The following VPS13B variants were observed in gnomAD, a reference collection of about 807,000 sequenced individuals.
The protein encoded by VPS13B is intermembrane lipid transfer protein VPS13B.
In VPS13B, 285 loss-of-function variants were observed where a neutral mutation model predicts 426.4. The ratio of observed to expected loss-of-function variants is 0.67; its 90% confidence interval spans 0.61 to 0.74. The LOEUF (loss-of-function observed/expected upper bound fraction) is 0.74, where lower values mean the gene tolerates loss of function less well. Among genes scored for constraint, VPS13B ranks in the 30% least tolerant of loss-of-function variants. The probability of loss-of-function intolerance (pLI) is 0.00; values close to 1 mark genes in which losing one functional copy is unlikely to be tolerated. For synonymous variants in VPS13B, 1,676 were observed against 1,676.4 expected (o/e 1.00, Z 0.01); for missense variants, 4,537 against 4,782.6 (o/e 0.95, Z 1.51).
chr8:99,243,172 A>G (rs767907517), intron 17 of VPS13B, among the ~76,000 whole-genome samples: 3 of 152,240 alleles, frequency 2.0e-5, no homozygotes, highest in African/African-American at 7.2e-5. Context: ...GACAAAATAT[A>G]CAATTACTTG....
intron 37 of VPS13B, among the ~76,000 whole-genome samples, chr8:99,718,859 A>G (rs1035086542): frequency 4.6e-5 from 7 of 151,728 alleles, no homozygotes; most frequent in Admixed American, 1.3e-4. Context: ...GGTTCTCACT[A>G]TGTTGCCCAG....
chr8:99,518,512 C>T (rs912029774), intron 29 of VPS13B, among the ~76,000 whole-genome samples: 13 of 152,064 alleles, frequency 8.5e-5, no homozygotes, highest in African/African-American at 2.9e-4. Flanking sequence ...CTGTGACATC[C>T]GTATGCTAAT....
chr8:99,662,125 A>G (rs576807372), intron 35 of VPS13B, among the ~76,000 whole-genome samples: 3 of 152,308 alleles, frequency 2.0e-5, no homozygotes, highest in South Asian at 2.1e-4. Context: ...GCCTAAGGTC[A>G]TAGTGACAGA....
At chr8:99,445,109 C>A (rs1817848741) in intron 23 of VPS13B, among the ~76,000 whole-genome samples, 1 of 151,766 alleles carries the variant, frequency 6.6e-6, no homozygotes, top group African/African-American at 2.4e-5. Flanking sequence ...ATACGATACC[C>A]TTACACATGA....
intron 3 of VPS13B, among the ~76,000 whole-genome samples, chr8:99,088,632 G>A (rs139559242): frequency 2.6e-5 from 4 of 152,172 alleles, no homozygotes; most frequent in Admixed American, 1.3e-4. Context: ...ATAATCTATT[G>A]CTAATGTTTC....
intron 17 of VPS13B, among the ~76,000 whole-genome samples, chr8:99,246,044 G>A (rs1817199105): frequency 6.6e-6 from 1 of 152,114 alleles, no homozygotes; most frequent in South Asian, 2.1e-4. Context: ...TGTTTTTTGA[G>A]ACTGTGTCTC....
chr8:99,227,584 CT>C (rs924247081), intron 17 of VPS13B, among the ~76,000 whole-genome samples: 1 of 151,472 alleles, frequency 6.6e-6, no homozygotes, highest in Admixed American at 6.6e-5. Context: ...AAATGAGGTG[CT>C]TTTTTTTGGA....
chr8:99,177,367 A>G (rs1373707591), intron 16 of VPS13B, among the ~76,000 whole-genome samples: 1 of 152,166 alleles, frequency 6.6e-6, no homozygotes, highest in Non-Finnish European at 1.5e-5. Flanking sequence ...TGATTTGATA[A>G]TGTGTTTAGA....
At chr8:99,745,286 C>T (rs937840520) in intron 39 of VPS13B, among the ~76,000 whole-genome samples, 23 of 151,972 alleles carry the variant, frequency 1.5e-4, no homozygotes, top group African/African-American at 5.6e-4. Context: ...CAAACTGAGA[C>T]TTCTATCATT....
chr8:99,521,160 T>G (rs1377556546), intron 30 of VPS13B, 150 bp downstream of exon 30: 2 of 675,834 alleles, frequency 3.0e-6, no homozygotes, highest in African/African-American at 3.6e-5. Context: ...TCTTCAGTTG[T>G]GGGTTTTTTA....
At position 99,135,022 on chromosome 8, in the gene VPS13B, T is replaced by C. The variant is rs1810002408; in HGVS notation, c.1310T>C (p.Met437Thr). 1.9e-6 allele frequency: 3 copies of C among 1,613,554 alleles called. No homozygotes were observed. The highest frequency in any genetic ancestry group is 1.3e-5 in the African/African-American group (1 of 75,016). Residue 437 changes from methionine to threonine, a missense_variant, in exon 10 of 62, where the codon ATG becomes ACG. This residue lies in a region of VPS13B where 4,311 missense variants were observed against 4,474.3 expected (regional missense o/e 0.96). Transcript: ENST00000357162. ...EQEGTTVEAL[M>T]MGEPFFDCQI... ...TTTCCTTTCGTCTTATAGGCCCTTA[T>C]GATGGGAGAACCTTTCTTTGATTGC...
At chr8:99,515,386 G>GCTGCTGCTGCTT (rs1554828015) in intron 29 of VPS13B, among the ~76,000 whole-genome samples, 6 of 151,452 alleles carry the variant, frequency 4.0e-5, no homozygotes, top group African/African-American at 1.5e-4. Flanking sequence ...TGCTGCTGCT[G>GCTGCTGCTGCTT]CTGCTGCTTC....
intron 17 of VPS13B, among the ~76,000 whole-genome samples, chr8:99,193,579 A>G (rs1813722989): frequency 6.6e-6 from 1 of 152,170 alleles, no homozygotes; most frequent in African/African-American, 2.4e-5. Flanking sequence ...TTGCATGTAA[A>G]CAAAAAATTA....
chr8:99,385,215 T>C (rs953580086), intron 20 of VPS13B, among the ~76,000 whole-genome samples: 1 of 152,218 alleles, frequency 6.6e-6, no homozygotes, highest in African/African-American at 2.4e-5. Context: ...CTGATGCTTA[T>C]TGAGATTCAT....
intron 43 of VPS13B, among the ~76,000 whole-genome samples, chr8:99,795,270 T>G (rs1478992756): frequency 1.3e-5 from 2 of 152,172 alleles, no homozygotes; most frequent in East Asian, 3.9e-4. Flanking sequence ...GTTGAAAAAC[T>G]TTCTGCCACC....
chr8:99,743,579 A>G (rs1317473551), intron 39 of VPS13B, among the ~76,000 whole-genome samples: 3 of 152,200 alleles, frequency 2.0e-5, no homozygotes, highest in Non-Finnish European at 2.9e-5. Context: ...ACTATACTAC[A>G]AGGCTACAGT....
At chr8:99,158,125 A>G (rs991158516) in intron 15 of VPS13B, among the ~76,000 whole-genome samples, 105 of 152,348 alleles carry the variant, frequency 6.9e-4, no homozygotes, top group African/African-American at 2.4e-3. Context: ...CAGTTAATTG[A>G]TGAAGGTGGC....
At chr8:99,617,094 C>T (rs1828128027) in intron 33 of VPS13B, among the ~76,000 whole-genome samples, 1 of 152,108 alleles carries the variant, frequency 6.6e-6, no homozygotes, top group Non-Finnish European at 1.5e-5. Context: ...AAAATATCAG[C>T]ACAGATACAC....
chr8:99,280,214 A>G (rs1161996031), intron 19 of VPS13B, among the ~76,000 whole-genome samples: 1 of 151,806 alleles, frequency 6.6e-6, no homozygotes. Context: ...TAGGATTCTC[A>G]CAACCATCCT....
Sources: allele counts gnomAD v4.1 joint callset (sites outside exome capture counted in the v4.1 genomes callset), GRCh38; gene constraint gnomAD v4.1.1; regional missense constraint gnomAD v4.1.1; transcripts MANE v1.5; gene names NCBI Gene and HGNC (gene_info 2026-07-23, HGNC 2026-07-21).